LRRC7: variants seen among roughly 807,000 people sequenced by gnomAD.
LRRC7 encodes leucine rich repeat containing 7, also known as leucine-rich repeat-containing protein 7.
A neutral mutation model predicts 175.7 loss-of-function variants in LRRC7; 23 were observed. The observed-to-expected ratio is 0.13, with a 90% CI of 0.09 to 0.19. The LOEUF is 0.19. Ranked by LOEUF, LRRC7 falls within the 10% of genes least tolerant of loss-of-function variation. The pLI is 1.00. For missense variants in LRRC7, 1,354 were observed against 1,904.7 expected, an observed-to-expected ratio of 0.71 and a Z score of 5.38; for synonymous variants, 685 against 680.9, an observed-to-expected ratio of 1.01 and a Z score of -0.09.
At chr1:69,607,966 A>T (rs937138699) in intron 1 of LRRC7, 1 of 152,328 alleles carries the variant, frequency 6.6e-6, no homozygotes, top group Non-Finnish European at 1.5e-5. Flanking sequence ...TTTCAAAGGG[A>T]CATATTTCCT....
chr1:69,808,047 C>A (rs927803759), intron 4 of LRRC7, among the ~76,000 whole-genome samples: 2 of 151,368 alleles, frequency 1.3e-5, no homozygotes, highest in African/African-American at 4.8e-5. Context: ...TTCATTAAGT[C>A]GATCTTCAAT....
In LRRC7 at chr1:70,123,454, G is replaced by A. The variant is rs1666304961; in HGVS notation, c.*1567G>A. The stretch of plus-strand genomic sequence containing the variant: ...GGGACATTGAAAATATTGTATTTTT[G>A]TAGGGTCTATTAAAATGAGTGTCAC... On this transcript the variant is annotated 3_prime_UTR_variant, in exon 27 of 27. Coordinates refer to ENST00000651989, the MANE Select transcript of LRRC7 (RefSeq NM_001370785.2). 1 of 152,112 alleles carries A rather than the reference G, an allele frequency of 6.6e-6. No individual in the cohort carries two copies. Among genetic ancestry groups the A allele is most frequent in the Non-Finnish European group, 1.5e-5 (1 of 67,992 alleles). The allele number at this position is 152,112 out of a possible 1,614,324, so 9.4% of individuals were successfully genotyped here.
chr1:69,800,334 G>A (rs1186636420), intron 4 of LRRC7, among the ~76,000 whole-genome samples: 1 of 151,978 alleles, frequency 6.6e-6, no homozygotes, highest in Non-Finnish European at 1.5e-5. Context: ...GCTTTGGTCA[G>A]TATGGTCATT....
intron 11 of LRRC7, among the ~76,000 whole-genome samples, chr1:70,009,820 T>A (rs1261526351): frequency 6.6e-6 from 1 of 152,224 alleles, no homozygotes; most frequent in Non-Finnish European, 1.5e-5. Flanking sequence ...GGTGATGAAG[T>A]TTGAATGACC....
intron 7 of LRRC7, among the ~76,000 whole-genome samples, chr1:69,846,275 C>G (rs1446849661): frequency 1.3e-5 from 2 of 152,052 alleles, no homozygotes; most frequent in East Asian, 3.9e-4. Flanking sequence ...TAAACTTATA[C>G]TCTCAACACA....
chr1:69,845,238 G>A (rs1161716952), intron 7 of LRRC7, among the ~76,000 whole-genome samples: 1 of 152,056 alleles, frequency 6.6e-6, no homozygotes, highest in Non-Finnish European at 1.5e-5. Flanking sequence ...GCAACAAAGT[G>A]AGACCCTCTC....
intron 7 of LRRC7, among the ~76,000 whole-genome samples, chr1:69,862,000 G>A (rs1302420783): frequency 6.6e-6 from 1 of 152,164 alleles, no homozygotes; most frequent in Non-Finnish European, 1.5e-5. Context: ...TCTCTGTTGA[G>A]ATAATTCTTC....
chr1:70,027,301 A>C (rs1379231546), intron 17 of LRRC7, among the ~76,000 whole-genome samples: 1 of 152,116 alleles, frequency 6.6e-6, no homozygotes, highest in Non-Finnish European at 1.5e-5. Flanking sequence ...ATATTATAAC[A>C]AGTACCGTGA....
chr1:69,898,832 T>C (rs1193207005), intron 7 of LRRC7, among the ~76,000 whole-genome samples: 1 of 152,216 alleles, frequency 6.6e-6, no homozygotes, highest in Non-Finnish European at 1.5e-5. Context: ...ATCTGGTTTC[T>C]AAGAGGGTTA....
intron 15 of LRRC7, among the ~76,000 whole-genome samples, chr1:70,019,787 A>T (rs1471028575): frequency 1.3e-5 from 2 of 152,024 alleles, no homozygotes; most frequent in Non-Finnish European, 2.9e-5. Context: ...TTTTGAATTG[A>T]TAAAAGAAAA....
At chr1:69,965,325 G>T (rs902594035) in intron 8 of LRRC7, among the ~76,000 whole-genome samples, 1 of 151,972 alleles carries the variant, frequency 6.6e-6, no homozygotes. Context: ...TTGTCATTTC[G>T]TGTATTGTCA....
At chr1:69,996,689 G>T (rs2101917573) in intron 11 of LRRC7, among the ~76,000 whole-genome samples, 1 of 152,186 alleles carries the variant, frequency 6.6e-6, no homozygotes, top group Admixed American at 6.5e-5. Context: ...TCTCAGGTTT[G>T]TCAAAGATCA....
chr1:69,631,477 TG>T (rs1652485447), intron 1 of LRRC7, among the ~76,000 whole-genome samples: 1 of 152,048 alleles, frequency 6.6e-6, no homozygotes, highest in South Asian at 2.1e-4. Context: ...TATCTCAAGG[TG>T]TGATGTCATC....
intron 8 of LRRC7, among the ~76,000 whole-genome samples, chr1:69,945,613 T>A (rs1436763979): frequency 1.3e-5 from 2 of 152,180 alleles, no homozygotes; most frequent in Non-Finnish European, 2.9e-5. Flanking sequence ...ATACCAATAT[T>A]AATTCTTCCC....
At chr1:70,118,604 T>A (rs1367680057) in intron 26 of LRRC7, among the ~76,000 whole-genome samples, 1 of 152,148 alleles carries the variant, frequency 6.6e-6, no homozygotes, top group African/African-American at 2.4e-5. Context: ...GTCTTATTAT[T>A]TCAATGAAGT....
chr1:69,889,570 G>A (rs558461286), intron 7 of LRRC7, among the ~76,000 whole-genome samples: 2 of 152,288 alleles, frequency 1.3e-5, no homozygotes, highest in South Asian at 2.1e-4. Context: ...ACTATGGGAG[G>A]CTAAAGCAGG....
At chr1:69,737,020 C>G (rs1200093666) in intron 2 of LRRC7, among the ~76,000 whole-genome samples, 1 of 152,080 alleles carries the variant, frequency 6.6e-6, no homozygotes, top group Non-Finnish European at 1.5e-5. Context: ...GTGCCAAACT[C>G]AAATTCTTAC....
intron 22 of LRRC7, among the ~76,000 whole-genome samples, chr1:70,045,229 T>C (rs1439852813): frequency 6.6e-6 from 1 of 151,794 alleles, no homozygotes; most frequent in Non-Finnish European, 1.5e-5. Context: ...CTGTGCCCGG[T>C]CTATACTGCA....
At chr1:69,938,446 A>G (rs911012379) in intron 8 of LRRC7, among the ~76,000 whole-genome samples, 3 of 152,096 alleles carry the variant, frequency 2.0e-5, no homozygotes, top group African/African-American at 7.2e-5. Context: ...GGCTTTACTC[A>G]CTTTATTTCA....
Sources: gnomAD v4.1 joint callset for allele counts (sites outside exome capture counted in the v4.1 genomes callset) on GRCh38, gnomAD v4.1.1 for gene constraint, MANE v1.5 for transcripts, NCBI Gene and HGNC (gene_info 2026-07-23, HGNC 2026-07-21) for gene names.